The following DENND6A variants were observed in gnomAD, a reference collection of about 807,000 sequenced individuals.
The protein encoded by DENND6A is DENN domain containing 6A.
DENND6A carries 43 observed loss-of-function variants against 95.5 expected under a neutral mutation model. That is an observed-to-expected ratio of 0.45 (90% CI 0.35 to 0.58). The LOEUF is 0.58. Among genes scored for constraint, DENND6A ranks in the 20% least tolerant of loss-of-function variants. The pLI, the probability that DENND6A is intolerant of heterozygous loss-of-function variation, is 0.00. For synonymous variants in DENND6A, 257 were observed against 260.4 expected, an observed-to-expected ratio of 0.99 and a Z score of 0.13; for missense variants, 574 against 736.0, an observed-to-expected ratio of 0.78 and a Z score of 2.55.
chr3:57,656,475 G>A (rs951883771), intron 9 of DENND6A, among the ~76,000 whole-genome samples: 2 of 152,054 alleles, frequency 1.3e-5, no homozygotes, highest in Admixed American at 1.3e-4. Context: ...TATGAATAAA[G>A]CTACTATATA....
At position 57,676,806 on chromosome 3, in the gene DENND6A, T is replaced by C. The variant is rs184964824; in HGVS notation, c.238-4368A>G. Among the ~76,000 whole-genome samples the C allele has an allele frequency of 1.8e-4, 27 of 152,272 alleles. 2 individuals carry two copies. The highest frequency in any genetic ancestry group is 1.6e-3 in the Admixed American group (24 of 15,298). On this transcript the variant is annotated intron_variant, in intron 1 of 19. Transcript: ENST00000311128. ...TTTAATTCTGAGCTATAGCTCAAAC[T>C]GCTATTTTTTATTTTTATTTATTTT...
chr3:57,670,153 A>G (rs1169518306), intron 3 of DENND6A, among the ~76,000 whole-genome samples: 1 of 152,212 alleles, frequency 6.6e-6, no homozygotes, highest in Non-Finnish European at 1.5e-5. Context: ...TAAACACCAC[A>G]GAATTAACTT....
At chr3:57,687,547 A>G (rs73088507) in intron 1 of DENND6A, among the ~76,000 whole-genome samples, 15,994 of 152,268 alleles carry the variant, frequency 0.11, 1,018 homozygotes, top group South Asian at 0.16. Flanking sequence ...ACGGATTTTC[A>G]TTGTAGATGA....
chr3:57,675,304 A>G lies in DENND6A; in HGVS notation c.238-2866T>C, dbSNP rs140068303. On this transcript the variant is annotated intron_variant, in intron 1 of 19. Transcript: ENST00000311128. ...TAAAATCATTAAGTTATCAAGAACC[A>G]TTTACCAATTGACTAATAACTCAAA... 3.0e-3 allele frequency among the ~76,000 whole-genome samples: 463 copies of G among 152,348 alleles called. 1 individual carries two copies. The highest frequency in any genetic ancestry group is 0.011 in the African/African-American group (451 of 41,588).
At position 57,634,868 on chromosome 3, in the gene DENND6A, T is replaced by C. The variant is rs930788595; in HGVS notation, c.1133-99A>G. The C allele has an allele frequency of 6.2e-6, 6 of 971,842 alleles. No individual in the cohort carries two copies. The African/African-American group carries it at 6.6e-5, about 11-fold the overall frequency. The allele number at this position is 971,842 out of a possible 1,614,324, so 60.2% of individuals were successfully genotyped here. On this transcript the variant is annotated intron_variant, in intron 12 of 19. Transcript: ENST00000311128. ...TTATAATCTGTTTATTACTTAAGTA[T>C]GTTATAATGAAAGGATTCTTAACAT...
intron 4 of DENND6A, 32 bp from the exon 5 acceptor site, chr3:57,663,748 G>C (rs553104963): frequency 7.4e-6 from 10 of 1,343,020 alleles, no homozygotes; most frequent in Non-Finnish European, 1.0e-5. Flanking sequence ...AGTGTGTGTG[G>C]GGGGGTACAT....
In DENND6A at chr3:57,644,518, G is replaced by A. The variant is rs113574210; in HGVS notation, c.1037+1143C>T. On this transcript the variant is annotated intron_variant, in intron 11 of 19. Transcript: ENST00000311128. ...AGACAGGGTTTTGCCATGTTGCCCA[G>A]GCTGGTCTCTAACTCCTGGACTTAA... Among the ~76,000 whole-genome samples the A allele has an allele frequency of 6.7e-3, 1,017 of 150,908 alleles. 14 individuals carry two copies. The highest frequency in any genetic ancestry group is 0.023 in the African/African-American group (945 of 41,046).
At chr3:57,642,542 T>A (rs979186944) in intron 11 of DENND6A, among the ~76,000 whole-genome samples, 1 of 152,090 alleles carries the variant, frequency 6.6e-6, no homozygotes, top group Non-Finnish European at 1.5e-5. Flanking sequence ...GAGTTTAGCA[T>A]TCCTGGAGCA....
intron 11 of DENND6A, among the ~76,000 whole-genome samples, chr3:57,642,074 G>A (rs1216120668): frequency 1.3e-5 from 2 of 152,040 alleles, no homozygotes; most frequent in Non-Finnish European, 2.9e-5. Context: ...CAGCACTTTC[G>A]GAGGCTGAGG....
At chr3:57,661,643 T>A in intron 5 of DENND6A, 92 bp from the exon 6 acceptor site, 1 of 1,019,746 alleles carries the variant, frequency 9.8e-7, no homozygotes, top group Non-Finnish European at 1.4e-6. Context: ...CAGCAAAAAG[T>A]GTGGATTTTA....
At chr3:57,672,807 T>C (rs556215656) in intron 1 of DENND6A, among the ~76,000 whole-genome samples, 1 of 150,350 alleles carries the variant, frequency 6.7e-6, no homozygotes, top group South Asian at 2.1e-4. Flanking sequence ...AACAAAAAAA[T>C]ATATATATAT....
chr3:57,671,597 C>T (rs1321313684), intron 3 of DENND6A, among the ~76,000 whole-genome samples: 1 of 150,840 alleles, frequency 6.6e-6, no homozygotes, highest in East Asian at 1.9e-4. Context: ...AGGGTTATAA[C>T]TGTGTGTGGC....
chr3:57,646,519 C>A, intron 9 of DENND6A, 81 bp from the exon 10 acceptor site: 1 of 1,474,302 alleles, frequency 6.8e-7, no homozygotes, highest in Non-Finnish European at 9.0e-7. Flanking sequence ...TTTCTAAAAA[C>A]TCCACATTGA....
chr3:57,690,502 C>T (rs1449962652), intron 1 of DENND6A, among the ~76,000 whole-genome samples: 1 of 151,768 alleles, frequency 6.6e-6, no homozygotes, highest in African/African-American at 2.4e-5. Context: ...GCCTGGGCAA[C>T]AGAGCAAGAC....
In DENND6A at chr3:57,644,106, C is replaced by T. The variant is rs188656589; in HGVS notation, c.1037+1555G>A. 4.5e-4 allele frequency among the ~76,000 whole-genome samples: 67 copies of T among 149,336 alleles called. No individual in the cohort carries two copies. The East Asian group carries it at 8.7e-3, about 19-fold the overall frequency. ...CGGAGGTTGCAGTAAACCAAGATGGCGCCATTGCACTCCCTCCTGGATGAC... is the reference window on the plus strand; with the variant it reads ...CGGAGGTTGCAGTAAACCAAGATGGTGCCATTGCACTCCCTCCTGGATGAC... On this transcript the variant is annotated intron_variant, in intron 11 of 19. Transcript: ENST00000311128.
At chr3:57,689,259 T>C (rs1464714993) in intron 1 of DENND6A, among the ~76,000 whole-genome samples, 2 of 151,976 alleles carry the variant, frequency 1.3e-5, no homozygotes, top group Admixed American at 1.3e-4. Context: ...GGCCTAGTGT[T>C]TATGATTTCT....
intron 11 of DENND6A, 146 bp from the exon 12 acceptor site, chr3:57,641,893 C>T (rs962630851): frequency 3.5e-6 from 2 of 565,136 alleles, no homozygotes; most frequent in Non-Finnish European, 6.0e-6. Flanking sequence ...AACTACATGC[C>T]AGGCAACACG....
At chr3:57,644,291 C>G (rs12152351) in intron 11 of DENND6A, among the ~76,000 whole-genome samples, 1 of 151,874 alleles carries the variant, frequency 6.6e-6, no homozygotes, top group African/African-American at 2.4e-5. Flanking sequence ...CAGGAGAGAA[C>G]AGTATTAGAG....
intron 1 of DENND6A, among the ~76,000 whole-genome samples, chr3:57,685,054 C>T (rs1388627170): frequency 1.3e-5 from 2 of 151,900 alleles, no homozygotes; most frequent in Non-Finnish European, 2.9e-5. Context: ...GCTGGGATTA[C>T]AGGTATGCGC....
Sources: gnomAD v4.1 joint callset for allele counts (sites outside exome capture counted in the v4.1 genomes callset) on GRCh38, gnomAD v4.1.1 for gene constraint, MANE v1.5 for transcripts, NCBI Gene and HGNC (gene_info 2026-07-23, HGNC 2026-07-21) for gene names.